The following MYPN variants were observed in gnomAD, a reference collection of about 807,000 sequenced individuals.
MYPN encodes the protein sarcomeric protein myopalladin, 145 kDa (MYOP).
Under a neutral mutation model 129.4 loss-of-function variants are expected in MYPN, and 63 were observed. The ratio of observed to expected loss-of-function variants is 0.49; its 90% CI spans 0.40 to 0.60. The LOEUF (loss-of-function observed/expected upper bound fraction) is 0.60. Among genes scored for constraint, MYPN ranks in the 20% least tolerant of loss-of-function variants. The pLI is 0.00. For synonymous variants in MYPN, 629 were observed against 600.9 expected, an observed-to-expected ratio of 1.05 and a Z score of -0.68; for missense variants, 1,596 against 1,635.4, an observed-to-expected ratio of 0.98 and a Z score of 0.42.
intron 1 of MYPN, among the ~76,000 whole-genome samples, chr10:68,113,692 G>A (rs2042112374): frequency 7.6e-6 from 1 of 131,750 alleles, no homozygotes; most frequent in South Asian, 2.6e-4. Context: ...GTGAGATCTT[G>A]CCTCAAAAAA....
intron 12 of MYPN, among the ~76,000 whole-genome samples, chr10:68,187,133 A>G (rs933920450): frequency 5.1e-4 from 77 of 152,028 alleles, no homozygotes; most frequent in African/African-American, 1.8e-3. Flanking sequence ...GCACTATGGG[A>G]GACTGAGGTG....
chr10:68,093,871 G>C (rs950737054), intron 1 of MYPN, among the ~76,000 whole-genome samples: 5 of 152,164 alleles, frequency 3.3e-5, no homozygotes, highest in Non-Finnish European at 2.9e-5. Flanking sequence ...TAAACAAGGG[G>C]TGGATTATTC....
At chr10:68,203,812 T>A (rs117746992) in intron 18 of MYPN, among the ~76,000 whole-genome samples, 1 of 151,902 alleles carries the variant, frequency 6.6e-6, no homozygotes. Context: ...TTGAGGAGCA[T>A]GTGGAATGCA....
intron 2 of MYPN, 27 bp downstream of exon 2, chr10:68,122,367 A>C (rs1438175253): frequency 6.2e-7 from 1 of 1,609,500 alleles, no homozygotes; most frequent in South Asian, 1.1e-5. Context: ...GGTAATGCTG[A>C]GTAATGTTGC....
chr10:68,195,463 G>A lies in MYPN; in HGVS notation c.3089G>A (p.Cys1030Tyr). The A allele has an allele frequency of 6.2e-7, 1 of 1,613,998 alleles. No homozygotes were observed. Among genetic ancestry groups the A allele is most frequent in the Non-Finnish European group, 8.5e-7 (1 of 1,179,902 alleles). The change falls in exon 15 of 20, where the codon TGT (cysteine) becomes TAT (tyrosine). Residue 1030 changes from cysteine (C) to tyrosine (Y), a missense_variant. Physicochemically the swap from Cys to Tyr is radical, Grantham distance 194. Transcript: ENST00000358913. ...TCTGTTTGTCAGGGGAGAATCAGCT[G>A]TTCTGGCCACTTGATGGTACAAAGT... Reference protein sequence around the residue: ...MAANPQGRISCSGHLMVQSLP... With the variant: ...MAANPQGRISYSGHLMVQSLP...
chr10:68,199,648 C>A, intron 17 of MYPN, 73 bp downstream of exon 17: 1 of 1,428,282 alleles, frequency 7.0e-7, no homozygotes, highest in Non-Finnish European at 9.9e-7. Context: ...GAGCCTCTGC[C>A]AGAATTCCTT....
At chr10:68,157,401 C>A (rs150342515) in intron 6 of MYPN, among the ~76,000 whole-genome samples, 1 of 152,044 alleles carries the variant, frequency 6.6e-6, no homozygotes, top group South Asian at 2.1e-4. Flanking sequence ...GCCATAGAAC[C>A]CTTCCACATT....
At chr10:68,101,363 G>A (rs2133945389), upstream of MYPN, among the ~76,000 whole-genome samples, 1 of 152,256 alleles carries the variant, frequency 6.6e-6, no homozygotes, top group East Asian at 1.9e-4. Flanking sequence ...AAGAGTGGCA[G>A]GTAAGACCAG....
rs866287354 is a variant in MYPN at position 68,188,053 on chromosome 10, A to G, written c.2704-852A>G. On this transcript the variant is annotated intron_variant, in intron 12 of 19. Coordinates refer to ENST00000358913, the MANE Select transcript of MYPN (RefSeq NM_032578.4). ...GATTATTTCACATGGTTTTGTTGTG[A>G]GGGGGGCAGAGAGATGCAGTGAAAG... Among the ~76,000 whole-genome samples the G allele has an allele frequency of 9.3e-4, 142 of 152,106 alleles. 1 individual carries two copies. Among genetic ancestry groups the G allele is most frequent in the Middle Eastern group, 3.4e-3 (1 of 294 alleles).
Position 68,194,446 on chromosome 10 carries a change from T to G in MYPN, c.3009T>G (p.Ser1003=). The G allele has an allele frequency of 6.2e-7, 1 of 1,613,954 alleles. No individual in the cohort carries two copies. Residue 1003 remains serine (S), a synonymous_variant, in exon 14 of 20, where the codon TCT becomes TCG. Transcript: ENST00000358913. ...GGCGAGAAGGAGATGGGACATGCTCTCTGCACATTGAATCCACTACCAGTG... is the reference window on the plus strand; with the variant it reads ...GGCGAGAAGGAGATGGGACATGCTCGCTGCACATTGAATCCACTACCAGTG... ...KMRREGDGTC[S]LHIESTTSDD...
At chr10:68,099,625 G>T (rs1285233522) in intron 1 of MYPN, among the ~76,000 whole-genome samples, 1 of 150,772 alleles carries the variant, frequency 6.6e-6, no homozygotes, top group Non-Finnish European at 1.5e-5. Context: ...GGGTGACAGA[G>T]CAAGACTCTG....
intron 4 of MYPN, among the ~76,000 whole-genome samples, 185 bp from the exon 5 acceptor site, chr10:68,148,168 G>A (rs117774989): frequency 5.9e-5 from 9 of 152,218 alleles, no homozygotes; most frequent in East Asian, 1.9e-4. Flanking sequence ...ATGCATTTTC[G>A]TGTTTGCATT....
chr10:68,096,773 G>GA lies in MYPN; in HGVS notation c.-2+8784dup, dbSNP rs1305861184. Among the ~76,000 whole-genome samples the GA allele has an allele frequency of 5.3e-5, 8 of 152,120 alleles. No homozygotes were observed. In the East Asian group the frequency reaches 1.5e-3, roughly 29 times the overall value. On this transcript the variant is annotated intron_variant, in intron 1 of 6. Coordinates refer to the MYPN transcript ENST00000685154. ...GTCTATTAGACAATTCACGATCATA[G>GA]AAAGGTTAGGATATTCCTCACTTTC...
chr10:68,208,039 A>T (rs997571788), intron 19 of MYPN, among the ~76,000 whole-genome samples: 1 of 152,220 alleles, frequency 6.6e-6, no homozygotes, highest in Non-Finnish European at 1.5e-5. Flanking sequence ...CCACATTTCC[A>T]ATTTTCAAAA....
At chr10:68,118,888 A>G (rs1046126398) in intron 1 of MYPN, among the ~76,000 whole-genome samples, 7 of 110,598 alleles carry the variant, frequency 6.3e-5, no homozygotes, top group Non-Finnish European at 1.3e-4. Context: ...GAAGGAAGGA[A>G]GGAAGGAAGG....
rs773991025 is a variant in MYPN, at chr10:68,194,502, C to G, written c.3065C>G (p.Ala1022Gly). Residue 1022 changes from alanine to glycine, a missense_variant, in exon 14 of 20, where the codon GCC becomes GGC. Physicochemically the swap from Ala to Gly is moderately conservative, Grantham distance 60. Coordinates refer to ENST00000358913, the MANE Select transcript of MYPN (RefSeq NM_032578.4). ...GATGGCAACTACACCATCATGGCAGCCAACCCCCAGGTGGAGACGCAGGGT... is the reference window on the plus strand; with the variant it reads ...GATGGCAACTACACCATCATGGCAGGCAACCCCCAGGTGGAGACGCAGGGT... ...DDDGNYTIMA[A>G]NPQGRISCSG... The G allele has an allele frequency of 2.6e-5, 42 of 1,613,418 alleles. No individual in the cohort carries two copies. In the Admixed American group the frequency reaches 3.2e-4, roughly 12 times the overall value.
At chr10:68,207,684 T>C (rs1331196753) in intron 19 of MYPN, among the ~76,000 whole-genome samples, 1 of 152,154 alleles carries the variant, frequency 6.6e-6, no homozygotes, top group Non-Finnish European at 1.5e-5. Flanking sequence ...CAAGTGACAT[T>C]TGTAGGATGA....
At chr10:68,136,735 A>G (rs1261518253) in intron 2 of MYPN, 1 of 1,535,004 alleles carries the variant, frequency 6.5e-7, no homozygotes, top group African/African-American at 1.4e-5. Context: ...CATTTTGGTA[A>G]GGACGAGAAA....
chr10:68,116,006 C>T, intron 1 of MYPN, among the ~76,000 whole-genome samples: 1 of 152,136 alleles, frequency 6.6e-6, no homozygotes. Context: ...CCATTATTCT[C>T]AATCCCCCTT....
Sources: allele counts gnomAD v4.1 joint callset (sites outside exome capture counted in the v4.1 genomes callset), GRCh38; gene constraint gnomAD v4.1.1; transcripts MANE v1.5; gene names NCBI Gene and HGNC (gene_info 2026-07-23, HGNC 2026-07-21).